Variants in HDGFL2 observed in about 807,000 individuals in gnomAD.
The protein encoded by HDGFL2 is HDGF like 2, also known as hepatoma-derived growth factor-related protein 2.
Under a neutral mutation model 77.1 loss-of-function variants are expected in HDGFL2, and 36 were observed. The observed-to-expected ratio is 0.47, with a 90% CI of 0.36 to 0.62. The LOEUF is 0.62. Ranked by LOEUF, HDGFL2 falls within the 20% of genes least tolerant of loss-of-function variation. The pLI is 0.00. For missense variants in HDGFL2, 976 were observed against 973.4 expected (o/e 1.00, Z -0.04); for synonymous variants, 463 against 413.1 (o/e 1.12, Z -1.46).
chr19:4,488,671 C>T lies in HDGFL2; in HGVS notation c.289-5C>T. The T allele has an allele frequency of 6.5e-7, 1 of 1,541,222 alleles. No homozygotes were observed. The highest frequency in any genetic ancestry group is 1.2e-5 in the South Asian group (1 of 84,020). On this transcript the variant is annotated splice_polypyrimidine_tract_variant and splice_region_variant and intron_variant, in intron 3 of 15. Coordinates refer to ENST00000616600, the MANE Select transcript of HDGFL2 (RefSeq NM_001001520.3). The stretch of plus-strand genomic sequence containing the variant: ...GACGCGCGTTCTCTGCCCCGACTCC[C>T]ACAGCCAGTGAGCTCCTCCGACAGC...
At chr19:4,496,917 A>T in intron 10 of HDGFL2, 4 of 396,086 alleles carry the variant, frequency 1.0e-5, no homozygotes, top group Middle Eastern at 8.9e-4. Flanking sequence ...TCTTTTGCAC[A>T]GGCTGGAGTG....
In HDGFL2 at chr19:4,498,810, G is replaced by T; in HGVS notation, c.1474-4G>T. 1 of 1,600,102 alleles carries T rather than the reference G, an allele frequency of 6.2e-7. No homozygotes were observed. Among genetic ancestry groups the T allele is most frequent in the Non-Finnish European group, 8.5e-7 (1 of 1,172,062 alleles). On this transcript the variant is annotated splice_region_variant and splice_polypyrimidine_tract_variant and intron_variant, in intron 12 of 15. Transcript: ENST00000616600. ...GTCTCCCTCACTCCCACCCCACCCT[G>T]CAGGACGTGAAGAGGTGCCTGAATG...
At chr19:4,483,772 C>G (rs1286522298) in intron 3 of HDGFL2, among the ~76,000 whole-genome samples, 2 of 148,646 alleles carry the variant, frequency 1.3e-5, no homozygotes, top group Non-Finnish European at 3.0e-5. Context: ...GAGAATGGGA[C>G]TTAATTGTTT....
In HDGFL2 at chr19:4,502,017, G is replaced by A. The variant is rs777202165; in HGVS notation, c.*7G>A. ...CCTGGACGAGGAGAGCTGAGCCGCG[G>A]GCAGCCAGGCCCAGCCCCCGCCCGA... On this transcript the variant is annotated 3_prime_UTR_variant, in exon 16 of 16. Transcript: ENST00000616600. 3 of 1,517,556 alleles carry A rather than the reference G, an allele frequency of 2.0e-6. No homozygotes were observed. The highest frequency in any genetic ancestry group is 2.5e-5 in the South Asian group (2 of 80,532). The allele number at this position is 1,517,556 out of a possible 1,614,324, so 94.0% of individuals were successfully genotyped here.
chr19:4,499,193 A>C (rs1325079712), intron 13 of HDGFL2, among the ~76,000 whole-genome samples: 4 of 151,752 alleles, frequency 2.6e-5, no homozygotes, highest in African/African-American at 9.7e-5. Flanking sequence ...TAAAGATACA[A>C]AAATTAGCCA....
Position 4,499,393 on chromosome 19 carries a change from G to T in HDGFL2, c.1576-98G>T. 5 of 1,025,550 alleles carry T rather than the reference G, an allele frequency of 4.9e-6. 1 individual carries two copies. The South Asian group carries it at 7.7e-5, about 16-fold the overall frequency. 63.5% of individuals were successfully genotyped at this position (1,025,550 alleles called of 1,614,324 possible). A position where few individuals can be genotyped will look rare whatever the true frequency, so the allele number is the denominator to read the frequency against. ...GCTGCACAGAGCTGTGCTCCCGGGA[G>T]GGGCTGCGGGAGGGGCGCATTGCTG... On this transcript the variant is annotated intron_variant, in intron 13 of 15. Coordinates refer to ENST00000616600, the MANE Select transcript of HDGFL2 (RefSeq NM_001001520.3).
intron 3 of HDGFL2, among the ~76,000 whole-genome samples, chr19:4,484,088 CT>C (rs577665698): frequency 1.5e-3 from 182 of 122,682 alleles, no homozygotes; most frequent in Admixed American, 2.0e-3. Flanking sequence ...TGCACCCGGC[CT>C]TTTTTTTTTT....
At chr19:4,487,745 G>T (rs1372916323) in intron 3 of HDGFL2, among the ~76,000 whole-genome samples, 1 of 152,194 alleles carries the variant, frequency 6.6e-6, no homozygotes, top group Non-Finnish European at 1.5e-5. Flanking sequence ...ACTCATGACT[G>T]CTCAGCAAAC....
chr19:4,498,517 C>T (rs553719175), intron 12 of HDGFL2, 141 bp downstream of exon 12: 127 of 693,134 alleles, frequency 1.8e-4, no homozygotes, highest in Non-Finnish European at 2.6e-4. Flanking sequence ...TGCTAGTGAG[C>T]GCATGGGGTC....
intron 9 of HDGFL2, among the ~76,000 whole-genome samples, chr19:4,495,585 G>A (rs531153568): frequency 6.6e-6 from 1 of 152,020 alleles, no homozygotes; most frequent in African/African-American, 2.4e-5. Context: ...AAAGGAGGGC[G>A]GTGGGGAACG....
intron 6 of HDGFL2, among the ~76,000 whole-genome samples, chr19:4,493,426 C>G (rs1237859231): frequency 6.6e-6 from 1 of 152,032 alleles, no homozygotes; most frequent in Non-Finnish European, 1.5e-5. Flanking sequence ...AAAGATGTCC[C>G]CACTGGGAAA....
chr19:4,500,782 T>C (rs1251873245), intron 14 of HDGFL2, among the ~76,000 whole-genome samples: 1 of 152,104 alleles, frequency 6.6e-6, no homozygotes, highest in Non-Finnish European at 1.5e-5. Flanking sequence ...ATTTTTGTAT[T>C]TTTTGTAGAG....
At chr19:4,474,475 G>A (rs1975020698) in intron 1 of HDGFL2, among the ~76,000 whole-genome samples, 1 of 152,120 alleles carries the variant, frequency 6.6e-6, no homozygotes, top group Admixed American at 6.5e-5. Flanking sequence ...AGACCCAAGC[G>A]AGAAGGAAGC....
chr19:4,476,929 G>C (rs1975088286), intron 3 of HDGFL2, among the ~76,000 whole-genome samples: 2 of 151,798 alleles, frequency 1.3e-5, no homozygotes, highest in South Asian at 4.2e-4. Flanking sequence ...TTAGCTGGGG[G>C]GGCATGAATT....
At position 4,494,357 on chromosome 19, in the gene HDGFL2, G is replaced by A; in HGVS notation, c.1106G>A (p.Ser369Asn). ...GAGGCTGAGCGGGGCAGCGGCGGCA[G>A]CAGCGGGGACGAGCTCAGGGAGGAC... ...RGEAERGSGG[S>N]SGDELREDDE... is the part of the protein sequence containing the mutation. Residue 369 changes from serine to asparagine, a missense_variant, in exon 9 of 16, where the codon AGC becomes AAC. By Grantham distance (46) the Ser-to-Asn change is conservative. Coordinates refer to ENST00000616600, the MANE Select transcript of HDGFL2 (RefSeq NM_001001520.3). The A allele has an allele frequency of 1.0e-5, 14 of 1,406,492 alleles. No homozygotes were observed. Among genetic ancestry groups the A allele is most frequent in the Non-Finnish European group, 1.3e-5 (14 of 1,084,978 alleles). The allele number at this position is 1,406,492 out of a possible 1,614,324, so 87.1% of individuals were successfully genotyped here.
chr19:4,486,582 G>A (rs563341600), intron 3 of HDGFL2, among the ~76,000 whole-genome samples: 1 of 151,688 alleles, frequency 6.6e-6, no homozygotes, highest in Non-Finnish European at 1.5e-5. Flanking sequence ...GCTCACTCCT[G>A]TAATCCCAGC....
intron 10 of HDGFL2, chr19:4,496,869 C>CTTTT (rs34622619): frequency 5.4e-4 from 185 of 345,692 alleles, no homozygotes; most frequent in Middle Eastern, 1.0e-3. Context: ...TCCCAGCTCA[C>CTTTT]TTTTTTTTTT....
In HDGFL2 at chr19:4,499,508, G is replaced by A. The variant is rs750243070; in HGVS notation, c.1593G>A (p.Ala531=). The stretch of plus-strand genomic sequence containing the variant: ...GTGGCCAGATTCGCCGTTACAAAGC[G>A]AACAAGGACGTAATGGAGAAGGCAG... ...ATLKKIRRYK[A]NKDVMEKAAE... is the part of the protein sequence containing the mutation. The change falls in exon 14 of 16, where the codon GCG becomes GCA. Residue 531 remains alanine (A), a synonymous_variant. Coordinates refer to ENST00000616600, the MANE Select transcript of HDGFL2 (RefSeq NM_001001520.3). 121 of 1,613,536 alleles carry A rather than the reference G, an allele frequency of 7.5e-5. 1 individual carries two copies. Among genetic ancestry groups the A allele is most frequent in the Middle Eastern group, 3.3e-4 (2 of 6,084 alleles).
intron 15 of HDGFL2, 102 bp downstream of exon 15, chr19:4,501,419 G>T: frequency 1.5e-6 from 2 of 1,364,474 alleles, no homozygotes; most frequent in East Asian, 2.6e-5. Flanking sequence ...TCTGGGATGG[G>T]TCCCAGGGAT....
Sources: allele counts gnomAD v4.1 joint callset (sites outside exome capture counted in the v4.1 genomes callset), GRCh38; gene constraint gnomAD v4.1.1; transcripts MANE v1.5; gene names NCBI Gene and HGNC (gene_info 2026-07-23, HGNC 2026-07-21).